The following ASAP1 variants were observed in gnomAD, a reference collection of about 807,000 sequenced individuals.
ASAP1 encodes the protein ArfGAP with SH3 domain, ankyrin repeat and PH domain 1.
Under a neutral mutation model 145.2 loss-of-function variants are expected in ASAP1, and 43 were observed. That is an observed-to-expected ratio of 0.30 (90% CI 0.23 to 0.38). The LOEUF is 0.38. Ranked by LOEUF, ASAP1 falls within the 10% of genes least tolerant of loss-of-function variation. The probability of loss-of-function intolerance (pLI) is 1.00; values close to 1 mark genes in which losing one functional copy is unlikely to be tolerated. For synonymous variants in ASAP1, 546 were observed against 515.5 expected (o/e 1.06, Z -0.80); for missense variants, 1,018 against 1,355.3 (o/e 0.75, Z 3.91).
chr8:130,054,599 C>T lies in ASAP1; in HGVS notation c.*132G>A. 1.4e-6 allele frequency: 1 copy of T among 726,418 alleles called. No homozygotes were observed. Among genetic ancestry groups the T allele is most frequent in the Non-Finnish European group, 2.4e-6 (1 of 410,096 alleles). 45.0% of individuals were successfully genotyped at this position (726,418 alleles called of 1,614,324 possible). ...AGGATATTTACAACACACATTATAT[C>T]CCCCTCCTGAGGTGGCCCTTCCATG... On this transcript the variant is annotated 3_prime_UTR_variant, in exon 30 of 30. Coordinates refer to ENST00000518721, the MANE Select transcript of ASAP1 (RefSeq NM_018482.4).
chr8:130,102,129 C>A (rs1564959996), intron 24 of ASAP1, among the ~76,000 whole-genome samples: 1 of 152,164 alleles, frequency 6.6e-6, no homozygotes, highest in East Asian at 1.9e-4. Flanking sequence ...CTACTTCCAG[C>A]ACTATCTGAG....
At chr8:130,335,346 ATT>A (rs376055653) in intron 3 of ASAP1, among the ~76,000 whole-genome samples, 346 of 152,302 alleles carry the variant, frequency 2.3e-3, no homozygotes, top group African/African-American at 8.2e-3. Context: ...TATGACCCCT[ATT>A]TTACAGAGGA....
chr8:130,372,825 A>G (rs1011199461), intron 2 of ASAP1, among the ~76,000 whole-genome samples: 13 of 152,078 alleles, frequency 8.5e-5, no homozygotes, highest in Non-Finnish European at 1.9e-4. Flanking sequence ...TTTCTCCAGG[A>G]CTTGGCTGGA....
chr8:130,228,429 G>A (rs372051048), intron 4 of ASAP1, among the ~76,000 whole-genome samples: 3 of 152,250 alleles, frequency 2.0e-5, no homozygotes, highest in African/African-American at 7.2e-5. Flanking sequence ...TGGGCCAGGA[G>A]CAGTGGCTTA....
At chr8:130,441,515 C>A (rs1337248554) in intron 1 of ASAP1, among the ~76,000 whole-genome samples, 1 of 152,118 alleles carries the variant, frequency 6.6e-6, no homozygotes, top group African/African-American at 2.4e-5. Flanking sequence ...ACGGCTGAGA[C>A]CTAGGTGGGG....
chr8:130,382,114 G>T (rs1259212859), intron 2 of ASAP1, among the ~76,000 whole-genome samples: 1 of 151,804 alleles, frequency 6.6e-6, no homozygotes, highest in Middle Eastern at 3.2e-3. Context: ...GTGAAACCCC[G>T]TCTCTACTAA....
chr8:130,125,894 C>T (rs112720411), intron 17 of ASAP1, 62 bp downstream of exon 17: 5 of 1,503,976 alleles, frequency 3.3e-6, no homozygotes, highest in Non-Finnish European at 4.4e-6. Flanking sequence ...AAATCCAAAA[C>T]AATATATTAA....
chr8:130,118,857 T>A, intron 18 of ASAP1, 182 bp from the exon 19 acceptor site: 1 of 387,904 alleles, frequency 2.6e-6, no homozygotes. Context: ...AAATAATATA[T>A]GTTTACTAAT....
intron 1 of ASAP1, among the ~76,000 whole-genome samples, chr8:130,412,325 C>T (rs900120735): frequency 2.6e-5 from 4 of 152,062 alleles, no homozygotes; most frequent in Non-Finnish European, 2.9e-5. Flanking sequence ...GCCACCATCC[C>T]CTTGTTGCTG....
chr8:130,141,425 C>G (rs1322074497), intron 13 of ASAP1, among the ~76,000 whole-genome samples: 5 of 152,180 alleles, frequency 3.3e-5, no homozygotes, highest in Non-Finnish European at 5.9e-5. Flanking sequence ...TCTCATCAAT[C>G]AGCACCTCCT....
At chr8:130,079,372 T>A (rs77879274) in intron 26 of ASAP1, among the ~76,000 whole-genome samples, 3 of 151,654 alleles carry the variant, frequency 2.0e-5, no homozygotes, top group Non-Finnish European at 2.9e-5. Flanking sequence ...TCCTCAAGTA[T>A]ACAATTTCAG....
chr8:130,234,624 C>T (rs543994257), intron 4 of ASAP1, among the ~76,000 whole-genome samples: 2 of 152,246 alleles, frequency 1.3e-5, no homozygotes, highest in East Asian at 3.9e-4. Flanking sequence ...GTATGAGCTG[C>T]TGAGTGATGT....
chr8:130,380,948 G>T (rs928107739), intron 2 of ASAP1, among the ~76,000 whole-genome samples: 7 of 152,180 alleles, frequency 4.6e-5, no homozygotes, highest in African/African-American at 1.4e-4. Context: ...GCAGTGGCGT[G>T]ATCCTGGCTC....
intron 5 of ASAP1, among the ~76,000 whole-genome samples, chr8:130,212,969 C>T (rs1460879128): frequency 6.6e-6 from 1 of 152,210 alleles, no homozygotes; most frequent in Non-Finnish European, 1.5e-5. Context: ...CCTGCCCAAG[C>T]AAGTCCTTTA....
intron 3 of ASAP1, among the ~76,000 whole-genome samples, chr8:130,349,662 CCTAT>C (rs1277013948): frequency 6.6e-6 from 1 of 152,184 alleles, no homozygotes; most frequent in Non-Finnish European, 1.5e-5. Context: ...AGCAGTCCTA[CCTAT>C]CTAACTCTCC....
chr8:130,443,147 C>G (rs1388116036), intron 1 of ASAP1, among the ~76,000 whole-genome samples: 1 of 152,068 alleles, frequency 6.6e-6, no homozygotes, highest in African/African-American at 2.4e-5. Context: ...CGCGAAACCC[C>G]CCAGGGCGGG....
chr8:130,298,809 C>T (rs1357889459), intron 3 of ASAP1, among the ~76,000 whole-genome samples: 1 of 152,160 alleles, frequency 6.6e-6, no homozygotes, highest in Admixed American at 6.5e-5. Context: ...GGGTGCCCTG[C>T]CATGGTCTCC....
intron 17 of ASAP1, among the ~76,000 whole-genome samples, chr8:130,124,535 T>C (rs2097571914): frequency 1.3e-5 from 2 of 152,210 alleles, no homozygotes; most frequent in Non-Finnish European, 1.5e-5. Flanking sequence ...CTTTTTATAT[T>C]GAACAAATTT....
intron 3 of ASAP1, among the ~76,000 whole-genome samples, chr8:130,263,415 T>G (rs974189817): frequency 2.0e-5 from 3 of 152,040 alleles, no homozygotes; most frequent in Admixed American, 6.6e-5. Context: ...AAACTACAAC[T>G]AGGTGTAGAA....
Sources: gnomAD v4.1 joint callset for allele counts (sites outside exome capture counted in the v4.1 genomes callset) on GRCh38, gnomAD v4.1.1 for gene constraint, MANE v1.5 for transcripts, NCBI Gene and HGNC (gene_info 2026-07-23, HGNC 2026-07-21) for gene names.